ITGBL1: variants seen among roughly 807,000 people sequenced by gnomAD.
ITGBL1 encodes integrin subunit beta like 1.
A neutral mutation model predicts 68.5 loss-of-function variants in ITGBL1; 51 were observed. The observed-to-expected ratio is 0.74, with a 90% CI of 0.59 to 0.94. ITGBL1 has a LOEUF of 0.94. Among genes scored for constraint, ITGBL1 ranks in the 40% least tolerant of loss-of-function variants. The probability of loss-of-function intolerance (pLI) is 0.00; values close to 1 mark genes in which losing one functional copy is unlikely to be tolerated. For synonymous variants in ITGBL1, 209 were observed against 227.3 expected, an observed-to-expected ratio of 0.92 and a Z score of 0.72; for missense variants, 649 against 647.4, an observed-to-expected ratio of 1.00 and a Z score of -0.03.
intron 7 of ITGBL1, among the ~76,000 whole-genome samples, chr13:101,681,346 A>G (rs763356790): frequency 2.6e-5 from 4 of 152,126 alleles, no homozygotes; most frequent in African/African-American, 9.7e-5. Flanking sequence ...GGTGATTACA[A>G]TTTTTAACAC....
At chr13:101,578,412 G>A (rs763401629) in intron 4 of ITGBL1, among the ~76,000 whole-genome samples, 2 of 152,126 alleles carry the variant, frequency 1.3e-5, no homozygotes, top group African/African-American at 2.4e-5. Flanking sequence ...CAAGAACAAG[G>A]ACATACATTT....
At chr13:101,714,960 G>A (rs756917139) in intron 10 of ITGBL1, 4 of 196,942 alleles carry the variant, frequency 2.0e-5, no homozygotes, top group Admixed American at 5.4e-5. Context: ...TAGGGAACTG[G>A]ATGTGTGTAT....
At chr13:101,692,546 A>T (rs2033903231) in intron 7 of ITGBL1, 39 bp from the exon 8 acceptor site, 1 of 1,353,930 alleles carries the variant, frequency 7.4e-7, no homozygotes, top group Non-Finnish European at 1.1e-6. Context: ...TGATTCCGGG[A>T]CTCTCCTCAT....
intron 6 of ITGBL1, among the ~76,000 whole-genome samples, chr13:101,594,760 G>A (rs899814110): frequency 2.0e-5 from 3 of 152,106 alleles, no homozygotes; most frequent in Non-Finnish European, 4.4e-5. Context: ...CTGAGGCTGG[G>A]TAATTTATAA....
rs1271257050 is a variant in ITGBL1 at position 101,542,906 on chromosome 13, C to CTTT, written c.317-24791_317-24790insTTT. 3.3e-4 allele frequency among the ~76,000 whole-genome samples: 50 copies of CTTT among 150,282 alleles called. 2 individuals are homozygous for CTTT. In the East Asian group the frequency reaches 9.5e-3, roughly 29 times the overall value. On this transcript the variant is annotated intron_variant, in intron 2 of 10. Coordinates refer to ENST00000376180, the MANE Select transcript of ITGBL1 (RefSeq NM_004791.3). Reference sequence around the variant, plus strand: ...CTGCCTTTTTTTTGTTTTCCGTTTGCTTGGTAGATCTTCTTCCATCCTTTT... The same window carrying CTTT: ...CTGCCTTTTTTTTGTTTTCCGTTTGCTTTTTGGTAGATCTTCTTCCATCCTTTT...
At chr13:101,635,254 T>A (rs1807912637) in intron 7 of ITGBL1, among the ~76,000 whole-genome samples, 1 of 152,056 alleles carries the variant, frequency 6.6e-6, no homozygotes, top group South Asian at 2.1e-4. Flanking sequence ...GCAAAAGATT[T>A]AGTCACTGAG....
chr13:101,661,760 G>T (rs34846342), intron 7 of ITGBL1, among the ~76,000 whole-genome samples: 1 of 151,960 alleles, frequency 6.6e-6, no homozygotes, highest in Admixed American at 6.6e-5. Flanking sequence ...AAAAGTAAAA[G>T]TAAAGTGGAA....
chr13:101,607,323 C>T (rs768277000), intron 7 of ITGBL1, among the ~76,000 whole-genome samples: 7 of 151,982 alleles, frequency 4.6e-5, no homozygotes, highest in Non-Finnish European at 8.8e-5. Flanking sequence ...TTCTCTGACT[C>T]CAAGGTTGTT....
chr13:101,492,297 G>A (rs1243445974), intron 2 of ITGBL1, among the ~76,000 whole-genome samples: 1 of 152,088 alleles, frequency 6.6e-6, no homozygotes, highest in Non-Finnish European at 1.5e-5. Flanking sequence ...AAGTTCAAAG[G>A]CGTTAAGTCA....
chr13:101,488,319 A>G (rs2048728310), intron 2 of ITGBL1, among the ~76,000 whole-genome samples: 1 of 152,200 alleles, frequency 6.6e-6, no homozygotes, highest in African/African-American at 2.4e-5. Context: ...AGCTTGATGT[A>G]TACATTTAAC....
At chr13:101,601,276 G>A (rs1286609840) in intron 7 of ITGBL1, among the ~76,000 whole-genome samples, 4 of 152,090 alleles carry the variant, frequency 2.6e-5, no homozygotes, top group African/African-American at 9.7e-5. Flanking sequence ...GGGATTGGTG[G>A]TGATATCCCC....
At chr13:101,548,385 C>T (rs1157995765) in intron 2 of ITGBL1, among the ~76,000 whole-genome samples, 13 of 151,834 alleles carry the variant, frequency 8.6e-5, no homozygotes, top group Admixed American at 2.0e-4. Flanking sequence ...ATTGAGAGAT[C>T]GATCTACTTT....
chr13:101,676,477 A>T (rs1217236869), intron 7 of ITGBL1, among the ~76,000 whole-genome samples: 1 of 152,182 alleles, frequency 6.6e-6, no homozygotes, highest in Non-Finnish European at 1.5e-5. Flanking sequence ...TTGCAGCAAG[A>T]TCAAAAAGCC....
intron 6 of ITGBL1, among the ~76,000 whole-genome samples, chr13:101,585,682 G>A (rs539463564): frequency 2.6e-5 from 4 of 152,050 alleles, no homozygotes; most frequent in South Asian, 2.1e-4. Flanking sequence ...CGCCAGCCTC[G>A]GCCTCCCAAA....
chr13:101,586,791 A>G (rs537516235), intron 6 of ITGBL1, among the ~76,000 whole-genome samples: 11 of 152,258 alleles, frequency 7.2e-5, no homozygotes, highest in Admixed American at 6.5e-4. Flanking sequence ...GCAGACATCA[A>G]CCTCTGCAGT....
chr13:101,516,374 C>A (rs374762587), intron 2 of ITGBL1, among the ~76,000 whole-genome samples: 28 of 152,194 alleles, frequency 1.8e-4, no homozygotes, highest in African/African-American at 6.7e-4. Context: ...TGTATACAAT[C>A]TATTTTGGAA....
intron 7 of ITGBL1, among the ~76,000 whole-genome samples, chr13:101,680,914 C>A (rs1474968690): frequency 2.0e-5 from 3 of 152,140 alleles, no homozygotes; most frequent in Non-Finnish European, 4.4e-5. Flanking sequence ...CCCTTTTAGA[C>A]ACTTAAACAA....
At chr13:101,573,572 A>G (rs1421792263) in intron 3 of ITGBL1, among the ~76,000 whole-genome samples, 1 of 152,122 alleles carries the variant, frequency 6.6e-6, no homozygotes, top group Non-Finnish European at 1.5e-5. Flanking sequence ...AAATCCTACT[A>G]TGTACTAGGT....
chr13:101,713,067 T>A (rs1172233480), intron 9 of ITGBL1: 1 of 152,214 alleles, frequency 6.6e-6, no homozygotes, highest in Non-Finnish European at 1.5e-5. Flanking sequence ...AAAAACACAA[T>A]TGTCACAATC....
Sources: gnomAD v4.1 joint callset for allele counts (sites outside exome capture counted in the v4.1 genomes callset) on GRCh38, gnomAD v4.1.1 for gene constraint, MANE v1.5 for transcripts, NCBI Gene and HGNC (gene_info 2026-07-23, HGNC 2026-07-21) for gene names.